The following DIAPH3 variants were observed in gnomAD, a reference collection of about 807,000 sequenced individuals.
DIAPH3 encodes the protein protein diaphanous homolog 3.
Under a neutral mutation model 144.3 loss-of-function variants are expected in DIAPH3, and 117 were observed. That is an observed-to-expected ratio of 0.81 (90% CI 0.70 to 0.95). The LOEUF (loss-of-function observed/expected upper bound fraction) is 0.95. DIAPH3 is among the 40% of genes least tolerant of loss of function. The pLI, the probability that DIAPH3 is intolerant of heterozygous loss-of-function variation, is 0.00. For synonymous variants in DIAPH3, 519 were observed against 488.9 expected, an observed-to-expected ratio of 1.06 and a Z score of -0.81; for missense variants, 1,421 against 1,412.7, an observed-to-expected ratio of 1.01 and a Z score of -0.09.
chr13:59,995,743 T>C (rs1373776744), intron 9 of DIAPH3, among the ~76,000 whole-genome samples: 1 of 151,860 alleles, frequency 6.6e-6, no homozygotes. Flanking sequence ...GTTTTGGAGA[T>C]GATAAGTTGG....
chr13:60,029,881 A>G (rs141135384), intron 5 of DIAPH3, among the ~76,000 whole-genome samples: 27 of 152,118 alleles, frequency 1.8e-4, no homozygotes, highest in Middle Eastern at 3.4e-3. Flanking sequence ...TGAAAATCCA[A>G]TAACCCTACC....
At chr13:60,034,534 G>C (rs1566688623) in intron 5 of DIAPH3, 1 of 152,200 alleles carries the variant, frequency 6.6e-6, no homozygotes, top group Admixed American at 6.5e-5. Flanking sequence ...TCCCACTACT[G>C]TTCAGCATGG....
intron 27 of DIAPH3, among the ~76,000 whole-genome samples, chr13:59,704,263 C>T (rs1047500668): frequency 1.3e-5 from 2 of 152,206 alleles, no homozygotes; most frequent in East Asian, 1.9e-4. Context: ...TGTCCCAAAG[C>T]GGTAGCCCTC....
At chr13:59,771,811 T>C (rs994452472) in intron 27 of DIAPH3, among the ~76,000 whole-genome samples, 25 of 152,258 alleles carry the variant, frequency 1.6e-4, no homozygotes, top group African/African-American at 6.0e-4. Context: ...GATAGAAATA[T>C]TTGAGAAGGT....
intron 5 of DIAPH3, among the ~76,000 whole-genome samples, chr13:60,021,188 G>A (rs1037523830): frequency 6.6e-6 from 1 of 152,222 alleles, no homozygotes; most frequent in African/African-American, 2.4e-5. Flanking sequence ...GAGAAATTCA[G>A]ATTGCAGATG....
At chr13:59,904,944 T>A (rs1464668502) in intron 20 of DIAPH3, among the ~76,000 whole-genome samples, 1 of 151,992 alleles carries the variant, frequency 6.6e-6, no homozygotes, top group East Asian at 1.9e-4. Flanking sequence ...TCTCATTTAA[T>A]AACCAAGAAA....
At chr13:60,053,095 T>C (rs17731372) in intron 4 of DIAPH3, among the ~76,000 whole-genome samples, 7,240 of 151,254 alleles carry the variant, frequency 0.048, 251 homozygotes, top group Admixed American at 0.098. Flanking sequence ...TATATTACTA[T>C]CCAAACACAG....
At chr13:60,049,300 G>C (rs895668852) in intron 4 of DIAPH3, among the ~76,000 whole-genome samples, 4 of 152,176 alleles carry the variant, frequency 2.6e-5, no homozygotes, top group African/African-American at 9.7e-5. Flanking sequence ...GGATTAAAAG[G>C]AGGCAACATT....
intron 20 of DIAPH3, among the ~76,000 whole-genome samples, chr13:59,904,929 T>G (rs546742675): frequency 1.3e-5 from 2 of 152,034 alleles, no homozygotes; most frequent in African/African-American, 2.4e-5. Flanking sequence ...TAATAACTGC[T>G]TCGATCTCAT....
intron 1 of DIAPH3, among the ~76,000 whole-genome samples, chr13:60,162,701 C>G (rs1161092479): frequency 6.6e-6 from 1 of 151,996 alleles, no homozygotes; most frequent in African/African-American, 2.4e-5. Context: ...GCAACTGGTT[C>G]ACAAACCATT....
chr13:60,085,425 C>T (rs902580724), intron 4 of DIAPH3, among the ~76,000 whole-genome samples: 3 of 152,092 alleles, frequency 2.0e-5, no homozygotes, highest in African/African-American at 7.2e-5. Context: ...GGTGATAAGG[C>T]TCATCTTCTG....
At chr13:59,811,387 A>G (rs1398479390) in intron 24 of DIAPH3, among the ~76,000 whole-genome samples, 1 of 152,188 alleles carries the variant, frequency 6.6e-6, no homozygotes, top group African/African-American at 2.4e-5. Context: ...GCTACTTTTT[A>G]TTACAATCAT....
chr13:60,010,942 C>T (rs1212560567), intron 7 of DIAPH3, among the ~76,000 whole-genome samples: 3 of 151,652 alleles, frequency 2.0e-5, no homozygotes, highest in African/African-American at 7.3e-5. Flanking sequence ...CCCCTCTCTA[C>T]TAAAAATACA....
chr13:60,104,936 A>G (rs908425365), intron 3 of DIAPH3, among the ~76,000 whole-genome samples: 5 of 152,026 alleles, frequency 3.3e-5, no homozygotes, highest in Non-Finnish European at 5.9e-5. Context: ...TCTGCTAAAA[A>G]TACAAAAAAA....
intron 25 of DIAPH3, among the ~76,000 whole-genome samples, chr13:59,799,889 A>C (rs1355950446): frequency 6.6e-6 from 1 of 152,246 alleles, no homozygotes; most frequent in Non-Finnish European, 1.5e-5. Context: ...TCAAAATATT[A>C]ACTGAAGTAT....
At chr13:60,064,792 C>T (rs751550762) in intron 4 of DIAPH3, among the ~76,000 whole-genome samples, 10 of 152,162 alleles carry the variant, frequency 6.6e-5, no homozygotes, top group African/African-American at 9.7e-5. Flanking sequence ...CCTATCTCAG[C>T]GAGTTGACAC....
In DIAPH3 at chr13:59,702,895, C is replaced by T. The variant is rs150638146; in HGVS notation, c.3320-36049G>A. On this transcript the variant is annotated intron_variant, in intron 27 of 27. Coordinates refer to ENST00000400324, the MANE Select transcript of DIAPH3 (RefSeq NM_001042517.2). The stretch of plus-strand genomic sequence containing the variant: ...CTCCTTCCTGCACTCATGTGCAAGG[C>T]TCATTCACTTCCTCATCTCCTTTAT... Among the ~76,000 whole-genome samples the T allele has an allele frequency of 2.3e-3, 344 of 152,268 alleles. 10 individuals carry two copies. Among genetic ancestry groups the T allele is most frequent in the Non-Finnish European group, 2.2e-4 (15 of 68,026 alleles).
At chr13:60,016,740 C>T (rs1333060098) in intron 5 of DIAPH3, among the ~76,000 whole-genome samples, 1 of 152,154 alleles carries the variant, frequency 6.6e-6, no homozygotes, top group African/African-American at 2.4e-5. Context: ...AGTTCAGTTG[C>T]TTTAAAAACA....
chr13:60,136,761 C>T (rs1297124147), intron 1 of DIAPH3, among the ~76,000 whole-genome samples: 1 of 151,958 alleles, frequency 6.6e-6, no homozygotes, highest in Non-Finnish European at 1.5e-5. Flanking sequence ...CAGTGAAACC[C>T]CGTCTCTACT....
Sources: gnomAD v4.1 joint callset for allele counts (sites outside exome capture counted in the v4.1 genomes callset) on GRCh38, gnomAD v4.1.1 for gene constraint, MANE v1.5 for transcripts, NCBI Gene and HGNC (gene_info 2026-07-23, HGNC 2026-07-21) for gene names.